The following RCAN3 variants were observed in gnomAD, a reference collection of about 807,000 sequenced individuals.
RCAN3 encodes calcipressin-3.
In RCAN3, 19 loss-of-function variants were observed where a neutral mutation model predicts 21.9. The ratio of observed to expected loss-of-function variants is 0.87; its 90% CI spans 0.61 to 1.27. The LOEUF (loss-of-function observed/expected upper bound fraction) is 1.27. RCAN3 is among the 50% of genes most tolerant of loss of function. The probability of loss-of-function intolerance (pLI) is 0.00; values close to 1 mark genes in which losing one functional copy is unlikely to be tolerated. For synonymous variants in RCAN3, 114 were observed against 112.3 expected, an observed-to-expected ratio of 1.01 and a Z score of -0.09; for missense variants, 240 against 300.1, an observed-to-expected ratio of 0.80 and a Z score of 1.48.
At chr1:24,534,456 A>G (rs145012549) in intron 4 of RCAN3, among the ~76,000 whole-genome samples, 34 of 152,066 alleles carry the variant, frequency 2.2e-4, no homozygotes, top group African/African-American at 8.2e-4. Flanking sequence ...TACAAAAACA[A>G]ATTAGCCGGG....
chr1:24,514,142 T>C (rs188273985), intron 1 of RCAN3, among the ~76,000 whole-genome samples, 172 bp from the exon 2 acceptor site: 11 of 152,374 alleles, frequency 7.2e-5, no homozygotes, highest in Admixed American at 5.9e-4. Flanking sequence ...GCAAATCAAA[T>C]TAGCGTATCT....
intron 2 of RCAN3, among the ~76,000 whole-genome samples, chr1:24,522,718 AC>A (rs1648917200): frequency 6.6e-6 from 1 of 152,226 alleles, no homozygotes. Context: ...CAGGTAAGGC[AC>A]AGGTAACGCT....
intron 2 of RCAN3, 41 bp from the exon 3 acceptor site, chr1:24,531,177 T>C (rs764436685): frequency 3.7e-6 from 5 of 1,366,116 alleles, no homozygotes; most frequent in African/African-American, 1.5e-5. Flanking sequence ...CTTTTTTTTT[T>C]TTCCTCCCCT....
At position 24,514,343 on chromosome 1, in the gene RCAN3, A is replaced by G. The variant is rs778886633; in HGVS notation, c.-30A>G. ...TGCCTGATAGACATCCTAGGACTATACAGAAGGAAAAGGCCCACTTTGGGG... is the reference window on the plus strand; with the variant it reads ...TGCCTGATAGACATCCTAGGACTATGCAGAAGGAAAAGGCCCACTTTGGGG... On this transcript the variant is annotated 5_prime_UTR_variant, in exon 2 of 5. In the 5' UTR this introduces an upstream ATG that the reference lacks. Transcript: ENST00000374395. The G allele has an allele frequency of 4.4e-6, 7 of 1,594,324 alleles. No homozygotes were observed. The highest frequency in any genetic ancestry group is 5.1e-6 in the Non-Finnish European group (6 of 1,169,860).
At position 24,520,689 on chromosome 1, in the gene RCAN3, G is replaced by T. The variant is rs1438678051; in HGVS notation, c.195+6122G>T. Among the ~76,000 whole-genome samples the T allele has an allele frequency of 2.9e-5, 4 of 136,724 alleles. No individual in the cohort carries two copies. The East Asian group carries it at 6.4e-4, about 22-fold the overall frequency. 89.7% of individuals were successfully genotyped at this position (136,724 alleles called of 152,430 possible). On this transcript the variant is annotated intron_variant, in intron 2 of 4. Transcript: ENST00000374395. Reference sequence around the variant, plus strand: ...ACACTCCGGGGACTGTTGTGGGGTGGGGGGAGGGGGAAGAGATAGCATTAG... The same window carrying T: ...ACACTCCGGGGACTGTTGTGGGGTGTGGGGAGGGGGAAGAGATAGCATTAG...
intron 1 of RCAN3, among the ~76,000 whole-genome samples, chr1:24,511,583 G>A (rs1261348877): frequency 6.6e-6 from 1 of 152,212 alleles, no homozygotes; most frequent in African/African-American, 2.4e-5. Context: ...TATGGGTGCA[G>A]TTCATGGTGC....
intron 3 of RCAN3, 91 bp downstream of exon 3, chr1:24,531,482 C>A: frequency 1.0e-6 from 1 of 979,096 alleles, no homozygotes; most frequent in Non-Finnish European, 1.4e-6. Flanking sequence ...ATTATTATAG[C>A]AGAGGTGTGT....
chr1:24,535,189 A>AC lies in RCAN3; in HGVS notation c.642dup (p.Lys215GlnfsTer19). On this transcript the variant is annotated frameshift_variant, in exon 5 of 5. Coordinates refer to ENST00000374395, the MANE Select transcript of RCAN3 (RefSeq NM_013441.4). LOFTEE classifies it low-confidence loss of function (END_TRUNC). ...ACTGAAGAGGAAGAAGAGACAAAAAACCCCAAACAGAAAATTGCCCAGACG... is the reference window on the plus strand; with the variant it reads ...ACTGAAGAGGAAGAAGAGACAAAAAACCCCCAAACAGAAAATTGCCCAGACG... 6.3e-7 allele frequency: 1 copy of AC among 1,594,828 alleles called. No homozygotes were observed. Among genetic ancestry groups the AC allele is most frequent in the Non-Finnish European group, 8.5e-7 (1 of 1,173,016 alleles).
intron 1 of RCAN3, among the ~76,000 whole-genome samples, chr1:24,512,606 C>A (rs1216606899): frequency 1.3e-5 from 2 of 152,128 alleles, no homozygotes; most frequent in African/African-American, 2.4e-5. Flanking sequence ...TATTTTTATT[C>A]CATAATTACC....
At chr1:24,530,468 A>C (rs934455227) in intron 2 of RCAN3, among the ~76,000 whole-genome samples, 1 of 152,086 alleles carries the variant, frequency 6.6e-6, no homozygotes, top group Admixed American at 6.6e-5. Flanking sequence ...TAACATGATA[A>C]CATTTTTAGA....
intron 1 of RCAN3, among the ~76,000 whole-genome samples, chr1:24,508,611 A>G (rs1424069213): frequency 1.3e-5 from 2 of 152,206 alleles, no homozygotes; most frequent in Non-Finnish European, 2.9e-5. Context: ...AGGTCTAAGA[A>G]TGAATGGAAT....
chr1:24,502,397 T>C (rs1461576298), upstream of RCAN3: 2 of 152,472 alleles, frequency 1.3e-5, no homozygotes, highest in Non-Finnish European at 2.9e-5. Flanking sequence ...CCTCGGGCAA[T>C]GAGGCGCCGG....
intron 1 of RCAN3, among the ~76,000 whole-genome samples, chr1:24,505,225 CTTTTTTCTTTTTTT>C (rs1647339081): frequency 9.1e-6 from 1 of 109,564 alleles, no homozygotes; most frequent in Non-Finnish European, 1.8e-5. Flanking sequence ...TTTTTTTTCT[CTTTTTTCTTTTTTT>C]TTTTTTTTTT....
chr1:24,504,550 T>A (rs2148888594), intron 1 of RCAN3, among the ~76,000 whole-genome samples: 1 of 152,316 alleles, frequency 6.6e-6, no homozygotes, highest in South Asian at 2.1e-4. Context: ...AATATAACGT[T>A]TGTAAAGGTT....
intron 1 of RCAN3, among the ~76,000 whole-genome samples, chr1:24,513,003 C>T (rs1028550909): frequency 2.6e-5 from 4 of 151,870 alleles, no homozygotes; most frequent in African/African-American, 4.8e-5. Context: ...TTTAGGAGGC[C>T]GAGTTGGGCG....
intron 1 of RCAN3, among the ~76,000 whole-genome samples, chr1:24,504,140 T>C (rs571433795): frequency 6.6e-6 from 1 of 152,314 alleles, no homozygotes; most frequent in East Asian, 1.9e-4. Flanking sequence ...GGTCATCAGC[T>C]TTACATTTTA....
rs1649188081 is a variant in RCAN3, at chr1:24,525,523, A to G, written c.196-5695A>G. The stretch of plus-strand genomic sequence containing the variant: ...GACTACAGAAAAAGTTAAGTGGTTA[A>G]TGATGATTTTTATTTTAATGGAATC... On this transcript the variant is annotated intron_variant, in intron 2 of 4. Transcript: ENST00000374395. The surrounding 1 kb of genome is among the most constrained non-coding windows in gnomAD (Gnocchi z 4.1). Among the ~76,000 whole-genome samples, 1 of 152,200 alleles carries G rather than the reference A, an allele frequency of 6.6e-6. No homozygotes were observed. The highest frequency in any genetic ancestry group is 1.5e-5 in the Non-Finnish European group (1 of 68,034).
chr1:24,518,138 A>G (rs1202269625), intron 2 of RCAN3, among the ~76,000 whole-genome samples: 1 of 152,218 alleles, frequency 6.6e-6, no homozygotes, highest in Non-Finnish European at 1.5e-5. Context: ...CAGCCTGGCC[A>G]ACATAGCAAG....
At chr1:24,532,115 C>A (rs1649810210) in intron 3 of RCAN3, among the ~76,000 whole-genome samples, 1 of 152,068 alleles carries the variant, frequency 6.6e-6, no homozygotes, top group African/African-American at 2.4e-5. Context: ...GGTAGAGTCT[C>A]TTGAGATGGA....
Sources: allele counts gnomAD v4.1 joint callset (sites outside exome capture counted in the v4.1 genomes callset), GRCh38; gene constraint gnomAD v4.1.1; non-coding constraint Gnocchi (gnomAD v3.1); transcripts MANE v1.5; gene names NCBI Gene and HGNC (gene_info 2026-07-23, HGNC 2026-07-21).